AFAP1L2: variants seen among roughly 807,000 people sequenced by gnomAD.
AFAP1L2 encodes actin filament-associated protein 1-like 2.
In AFAP1L2, 46 loss-of-function variants were observed where a neutral mutation model predicts 99.3. The observed-to-expected ratio is 0.46, with a 90% confidence interval of 0.37 to 0.59. The LOEUF (loss-of-function observed/expected upper bound fraction) is 0.59, where lower values mean the gene tolerates loss of function less well. Ranked by LOEUF, AFAP1L2 falls within the 20% of genes least tolerant of loss-of-function variation. The probability of loss-of-function intolerance (pLI) is 0.00; values close to 1 mark genes in which losing one functional copy is unlikely to be tolerated. For missense variants in AFAP1L2, 959 were observed against 1,034.9 expected (o/e 0.93, Z 1.01); for synonymous variants, 397 against 419.1 (o/e 0.95, Z 0.64).
chr10:114,323,131 C>T (rs1300232056), intron 5 of AFAP1L2, 40 bp downstream of exon 5: 1 of 1,530,082 alleles, frequency 6.5e-7, no homozygotes. Flanking sequence ...GTGCAGGAAG[C>T]AGTAAGTCAC....
chr10:114,385,735 T>A (rs1590787434), intron 1 of AFAP1L2, among the ~76,000 whole-genome samples: 1 of 152,286 alleles, frequency 6.6e-6, no homozygotes, highest in Admixed American at 6.5e-5. Flanking sequence ...TGATTAACAT[T>A]CTTAACTCAG....
intron 1 of AFAP1L2, among the ~76,000 whole-genome samples, chr10:114,346,405 G>T (rs1332077427): frequency 6.6e-6 from 1 of 152,164 alleles, no homozygotes; most frequent in African/African-American, 2.4e-5. Context: ...TGTCCGACAA[G>T]GTGCTAAGCA....
chr10:114,290,154 A>G (rs2039424747), downstream of AFAP1L2: 1 of 1,506,210 alleles, frequency 6.6e-7, no homozygotes, highest in Admixed American at 2.0e-5. Flanking sequence ...GTAGCCTTGC[A>G]CCTCTACTGG....
intron 9 of AFAP1L2, 85 bp downstream of exon 9, chr10:114,308,348 C>T (rs866646772): frequency 2.2e-5 from 26 of 1,200,154 alleles, no homozygotes; most frequent in Middle Eastern, 2.3e-4. Context: ...TGTTAGAATC[C>T]GCTGCTAAAA....
At chr10:114,347,948 G>T (rs144093827) in intron 1 of AFAP1L2, among the ~76,000 whole-genome samples, 1 of 152,254 alleles carries the variant, frequency 6.6e-6, no homozygotes, top group African/African-American at 2.4e-5. Context: ...CCTCAAAGGA[G>T]AACTCCTTAG....
intron 10 of AFAP1L2, among the ~76,000 whole-genome samples, chr10:114,305,347 TGGGCTGCAGGAGGGAGCG>T (rs2042024200): frequency 3.4e-5 from 2 of 58,818 alleles, no homozygotes; most frequent in South Asian, 6.8e-4. Flanking sequence ...AGGAGGGGAC[TGGGCTGCAGGAGGGAGCG>T]GGGCTGCAGG....
rs1401366481 is a variant in AFAP1L2, at chr10:114,382,631, T to C, written c.16+21809A>G. 2.0e-5 allele frequency among the ~76,000 whole-genome samples: 3 copies of C among 148,962 alleles called. No homozygotes were observed. The East Asian group carries it at 5.9e-4, about 29-fold the overall frequency. ...TTTTTGAGACCGAGTTTCGCTCTTG[T>C]TGCCCAGGCTGGAGTGCAATGGCAC... is the stretch of plus-strand genomic sequence containing the variant. On this transcript the variant is annotated intron_variant, in intron 1 of 18. Transcript: ENST00000304129.
chr10:114,361,696 C>T (rs1415394630), intron 1 of AFAP1L2, among the ~76,000 whole-genome samples: 1 of 152,150 alleles, frequency 6.6e-6, no homozygotes, highest in Non-Finnish European at 1.5e-5. Context: ...CGTTGTGCTT[C>T]CCACGGCTTC....
intron 16 of AFAP1L2, among the ~76,000 whole-genome samples, chr10:114,298,292 C>G (rs1401991827): frequency 6.6e-6 from 1 of 152,070 alleles, no homozygotes; most frequent in Non-Finnish European, 1.5e-5. Flanking sequence ...ACAGGAGAAT[C>G]GCTTGAACCC....
At chr10:114,368,185 C>G (rs775669277) in intron 1 of AFAP1L2, among the ~76,000 whole-genome samples, 1 of 152,038 alleles carries the variant, frequency 6.6e-6, no homozygotes, top group Admixed American at 6.5e-5. Flanking sequence ...GAGGACATTA[C>G]GCTAAGTAAA....
At chr10:114,287,023 T>A in the AFAP1L2 span, among the ~76,000 whole-genome samples, 1 of 152,186 alleles carries the variant, frequency 6.6e-6, no homozygotes, top group Non-Finnish European at 1.5e-5. Flanking sequence ...AGAGGATACT[T>A]ACCCTGTCTA....
At chr10:114,383,792 T>C (rs973543033) in intron 1 of AFAP1L2, among the ~76,000 whole-genome samples, 5 of 152,158 alleles carry the variant, frequency 3.3e-5, no homozygotes, top group Non-Finnish European at 5.9e-5. Flanking sequence ...CCCTGGAAAG[T>C]TGGGGGAGAC....
At chr10:114,335,854 C>T (rs558989172) in intron 2 of AFAP1L2, among the ~76,000 whole-genome samples, 1 of 152,178 alleles carries the variant, frequency 6.6e-6, no homozygotes, top group South Asian at 2.1e-4. Flanking sequence ...ATAAAAATAA[C>T]GTAAAGCAGA....
At chr10:114,289,358 TCGTGGG>T in the AFAP1L2 span, 14 of 1,614,226 alleles carry the variant, frequency 8.7e-6, no homozygotes, top group African/African-American at 1.3e-5. Flanking sequence ...TCTGTCTTGG[TCGTGGG>T]CGTGGGGCCT....
chr10:114,315,426 GAGA>G, intron 6 of AFAP1L2, 131 bp downstream of exon 6: 1 of 826,400 alleles, frequency 1.2e-6, no homozygotes, highest in Non-Finnish European at 1.9e-6. Context: ...TCAGATTAGG[GAGA>G]AGTTAAAATC....
chr10:114,404,414 G>T (rs997371636), intron 1 of AFAP1L2, 26 bp downstream of exon 1: 70 of 1,539,654 alleles, frequency 4.5e-5, no homozygotes, highest in Admixed American at 1.2e-4. Context: ...GTGGGTGTGC[G>T]CCGCGCGAGG....
In AFAP1L2 at chr10:114,296,242, A is replaced by AT. The variant is rs1371206790; in HGVS notation, c.2431-175dup. The AT allele has an allele frequency of 2.2e-4, 180 of 827,518 alleles. 1 individual carries two copies. In the South Asian group the frequency reaches 3.0e-3, roughly 14 times the overall value. The allele number at this position is 827,518 out of a possible 1,614,324, so 51.3% of individuals were successfully genotyped here. On this transcript the variant is annotated intron_variant, in intron 18 of 18. Transcript: ENST00000304129. The stretch of plus-strand genomic sequence containing the variant: ...CACTGCTTAGAGTGCCTATTCAGAG[A>AT]TTTTGAGACTGTGGCACAACAGCGA...
At chr10:114,400,317 T>TC (rs1206952301) in intron 1 of AFAP1L2, among the ~76,000 whole-genome samples, 2 of 152,102 alleles carry the variant, frequency 1.3e-5, no homozygotes, top group East Asian at 3.9e-4. Flanking sequence ...AAAGCAGAAT[T>TC]CCCCCACTCT....
intron 1 of AFAP1L2, among the ~76,000 whole-genome samples, chr10:114,341,578 A>G (rs1037695629): frequency 6.7e-6 from 1 of 148,234 alleles, no homozygotes; most frequent in African/African-American, 2.5e-5. Flanking sequence ...ACACCACTTC[A>G]CTCCAGCCTG....
Sources: allele counts gnomAD v4.1 joint callset (sites outside exome capture counted in the v4.1 genomes callset), GRCh38; gene constraint gnomAD v4.1.1; transcripts MANE v1.5; gene names NCBI Gene and HGNC (gene_info 2026-07-23, HGNC 2026-07-21).